IWS1: variants seen among roughly 807,000 people sequenced by gnomAD.
IWS1 encodes protein IWS1 homolog.
A neutral mutation model predicts 86.7 loss-of-function variants in IWS1; 27 were observed. The observed-to-expected ratio is 0.31, with a 90% CI of 0.23 to 0.43. IWS1 has a LOEUF of 0.43. Ranked by LOEUF, IWS1 falls within the 20% of genes least tolerant of loss-of-function variation. IWS1 has a pLI of 1.00. For missense variants in IWS1, 827 were observed against 1,000.8 expected (o/e 0.83, Z 2.34); for synonymous variants, 313 against 335.1 (o/e 0.93, Z 0.72).
intron 5 of IWS1, among the ~76,000 whole-genome samples, chr2:127,500,950 A>C (rs909532493): frequency 1.6e-4 from 25 of 152,188 alleles, no homozygotes; most frequent in African/African-American, 6.0e-4. Flanking sequence ...GTACATTCAT[A>C]CACATTTGCA....
At chr2:127,500,885 G>A (rs1387760723) in intron 5 of IWS1, among the ~76,000 whole-genome samples, 4 of 151,602 alleles carry the variant, frequency 2.6e-5, no homozygotes, top group Non-Finnish European at 5.9e-5. Context: ...TTTTAGTCTT[G>A]TTAGTGGTCA....
Position 127,505,786 on chromosome 2 carries a change from G to C in IWS1, c.151-34C>G. ...TAAAGTGAGAAAAAATTAGGAAAGT[G>C]CAAAAAAAAAAAAACCATTAATAAT... On this transcript the variant is annotated intron_variant, in intron 2 of 13. Coordinates refer to ENST00000295321, the MANE Select transcript of IWS1 (RefSeq NM_017969.3). This position sits in a 1 kb window ranked among gnomAD's most constrained non-coding sequence, Gnocchi z 5.0. The C allele has an allele frequency of 4.4e-6, 5 of 1,127,268 alleles. No individual in the cohort carries two copies. Among genetic ancestry groups the C allele is most frequent in the Non-Finnish European group, 6.0e-6 (5 of 829,822 alleles). The allele number at this position is 1,127,268 out of a possible 1,614,324, so 69.8% of individuals were successfully genotyped here.
chr2:127,482,415 T>C (rs1260736458), intron 13 of IWS1: 1 of 152,220 alleles, frequency 6.6e-6, no homozygotes, highest in Non-Finnish European at 1.5e-5. Flanking sequence ...GCATTCGTAC[T>C]CTGAGTAAGC....
At chr2:127,524,523 A>G (rs1052064812) in intron 1 of IWS1, among the ~76,000 whole-genome samples, 2 of 151,590 alleles carry the variant, frequency 1.3e-5, no homozygotes, top group African/African-American at 4.9e-5. Context: ...ACCTATATAC[A>G]TGTATTACAT....
intron 1 of IWS1, among the ~76,000 whole-genome samples, chr2:127,525,524 T>C (rs1692352891): frequency 6.6e-6 from 1 of 152,174 alleles, no homozygotes; most frequent in Admixed American, 6.5e-5. Context: ...GCGACGTGTT[T>C]CCCACACCAG....
chr2:127,485,625 A>G (rs1689888932), intron 13 of IWS1, among the ~76,000 whole-genome samples: 1 of 152,232 alleles, frequency 6.6e-6, no homozygotes, highest in Non-Finnish European at 1.5e-5. Flanking sequence ...CCAGTCAGGA[A>G]GACCCAAATG....
At chr2:127,502,770 A>C in intron 5 of IWS1, 45 bp downstream of exon 5, 1 of 1,135,058 alleles carries the variant, frequency 8.8e-7, no homozygotes, top group Admixed American at 1.8e-5. Flanking sequence ...AAAAACACCA[A>C]AAAAAAGCAC....
At chr2:127,511,794 A>G (rs1691467194) in intron 2 of IWS1, among the ~76,000 whole-genome samples, 1 of 152,242 alleles carries the variant, frequency 6.6e-6, no homozygotes, top group African/African-American at 2.4e-5. Context: ...ACAAAGACTG[A>G]AAACTAAAAC....
At chr2:127,495,973 T>C in intron 7 of IWS1, 25 bp downstream of exon 7, 1 of 1,545,152 alleles carries the variant, frequency 6.5e-7, no homozygotes, top group Non-Finnish European at 8.7e-7. Context: ...GAAAAAAAGG[T>C]GAACCTAGAA....
intron 2 of IWS1, among the ~76,000 whole-genome samples, chr2:127,520,879 T>C (rs1692055642): frequency 1.3e-5 from 2 of 152,228 alleles, no homozygotes; most frequent in Admixed American, 1.3e-4. Context: ...GCATCCATAT[T>C]GTGAAACCAT....
intron 2 of IWS1, among the ~76,000 whole-genome samples, chr2:127,521,555 T>C (rs1476490100): frequency 6.6e-6 from 1 of 152,224 alleles, no homozygotes; most frequent in African/African-American, 2.4e-5. Flanking sequence ...TAGCCTAGCC[T>C]ACCTTAGATG....
intron 12 of IWS1, among the ~76,000 whole-genome samples, chr2:127,488,650 A>T (rs778663014): frequency 1.3e-5 from 2 of 152,224 alleles, no homozygotes; most frequent in Non-Finnish European, 2.9e-5. Context: ...AAATCAAACC[A>T]GATGGCTTCA....
At chr2:127,486,285 G>A in intron 13 of IWS1, 1 of 278,004 alleles carries the variant, frequency 3.6e-6, no homozygotes. Flanking sequence ...CTTGCTTGAA[G>A]TAAAGGGATT....
chr2:127,495,054 A>C, intron 7 of IWS1, 100 bp from the exon 8 acceptor site: 1 of 689,974 alleles, frequency 1.4e-6, no homozygotes, highest in Non-Finnish European at 2.4e-6. Flanking sequence ...TTTTTCAAAG[A>C]AACAATTTTT....
chr2:127,483,840 A>C (rs1474566214), intron 13 of IWS1, among the ~76,000 whole-genome samples: 1 of 152,142 alleles, frequency 6.6e-6, no homozygotes, highest in Non-Finnish European at 1.5e-5. Context: ...TATGTTGTCC[A>C]GGCTGATATT....
At chr2:127,525,188 T>C (rs1246380166) in intron 1 of IWS1, among the ~76,000 whole-genome samples, 2 of 151,860 alleles carry the variant, frequency 1.3e-5, no homozygotes, top group Non-Finnish European at 2.9e-5. Flanking sequence ...CTCGAACTCC[T>C]GGGCTCAAGC....
In IWS1 at chr2:127,509,737, C is replaced by T. The variant is rs573186446; in HGVS notation, c.151-3985G>A. Among the ~76,000 whole-genome samples the T allele has an allele frequency of 4.4e-5, 6 of 137,148 alleles. No individual in the cohort carries two copies. The East Asian group carries it at 1.4e-3, about 31-fold the overall frequency. The allele number at this position is 137,148 out of a possible 152,430, so 90.0% of individuals were successfully genotyped here. ...AAAAAAAAAAAAAAAAAAAAGCCAT[C>T]GATAATGCCTCATACCTCCTTCTTA... On this transcript the variant is annotated intron_variant, in intron 2 of 13. Coordinates refer to ENST00000295321, the MANE Select transcript of IWS1 (RefSeq NM_017969.3).
chr2:127,494,809 C>G (rs181120742), intron 8 of IWS1, 63 bp downstream of exon 8: 2 of 897,632 alleles, frequency 2.2e-6, no homozygotes, highest in Non-Finnish European at 3.5e-6. Context: ...AACACCAGTA[C>G]ATCATTTGAA....
rs780716713 is a variant in IWS1 at position 127,505,440 on chromosome 2, G to A, written c.463C>T (p.Pro155Ser). Residue 155 changes from proline (P) to serine (S), a missense_variant, in exon 3 of 14, where the codon CCC becomes TCC. Around this residue, in one of 2 missense-constraint regions of IWS1, gnomAD observed 548 missense variants for 560.2 expected, o/e 0.98. Transcript: ENST00000295321. This position sits in a 1 kb window ranked among gnomAD's most constrained non-coding sequence, Gnocchi z 5.0. ...DSENEDVGKHPASDSEIEELQ... is the reference protein window; with the variant it reads ...DSENEDVGKHSASDSEIEELQ... ...TCCTCAATCTCAGAATCACTGGCGG[G>A]ATGCTTCCCAACATCTTCGTTTTCT... 1 of 1,614,112 alleles carries A rather than the reference G, an allele frequency of 6.2e-7. No homozygotes were observed. The highest frequency in any genetic ancestry group is 1.1e-5 in the South Asian group (1 of 91,064).
Sources: allele counts gnomAD v4.1 joint callset (sites outside exome capture counted in the v4.1 genomes callset), GRCh38; gene constraint gnomAD v4.1.1; regional missense constraint gnomAD v4.1.1; non-coding constraint Gnocchi (gnomAD v3.1); transcripts MANE v1.5; gene names NCBI Gene and HGNC (gene_info 2026-07-23, HGNC 2026-07-21).